Variants in RBM19 observed in about 807,000 individuals in gnomAD.
RBM19 encodes the protein probable RNA-binding protein 19.
Under a neutral mutation model 116.8 loss-of-function variants are expected in RBM19, and 94 were observed. That is an observed-to-expected ratio of 0.80 (90% confidence interval 0.68 to 0.95). The LOEUF (loss-of-function observed/expected upper bound fraction) is 0.95. Ranked by LOEUF, RBM19 falls within the 40% of genes least tolerant of loss-of-function variation. The probability of loss-of-function intolerance (pLI) is 0.00; values close to 1 mark genes in which losing one functional copy is unlikely to be tolerated. For missense variants in RBM19, 1,161 were observed against 1,220.7 expected, an observed-to-expected ratio of 0.95 and a Z score of 0.73; for synonymous variants, 475 against 494.1, an observed-to-expected ratio of 0.96 and a Z score of 0.51.
At position 113,879,446 on chromosome 12, in the gene RBM19, T is replaced by TATATATATATAC. The variant is rs893952657; in HGVS notation, c.2559-20551_2559-20550insGTATATATATAT. 5.4e-4 allele frequency among the ~76,000 whole-genome samples: 77 copies of TATATATATATAC among 142,320 alleles called. 9 individuals carry two copies. Among genetic ancestry groups the TATATATATATAC allele is most frequent in the East Asian group, 5.1e-3 (17 of 3,318 alleles). 93.4% of individuals were successfully genotyped at this position (142,320 alleles called of 152,430 possible). On this transcript the variant is annotated intron_variant, in intron 21 of 23. Transcript: ENST00000261741. Reference sequence around the variant, plus strand: ...TACATACATTTTATATATATATATATATATGGACTTTTCTTTTTTTAAGGG... The same window carrying TATATATATATAC: ...TACATACATTTTATATATATATATATATATATATATACATATGGACTTTTCTTTTTTTAAGGG...
chr12:113,931,340 C>T (rs537449098), intron 16 of RBM19, among the ~76,000 whole-genome samples: 16 of 152,132 alleles, frequency 1.1e-4, no homozygotes, highest in South Asian at 2.1e-4. Context: ...AGGGCAACAA[C>T]CTGGAGGGCC....
intron 23 of RBM19, among the ~76,000 whole-genome samples, chr12:113,824,691 T>C (rs945083641): frequency 1.7e-4 from 26 of 152,164 alleles, no homozygotes; most frequent in African/African-American, 5.8e-4. Flanking sequence ...GGCCCAGAGA[T>C]GAAGACTTGG....
At chr12:113,949,087 C>T in intron 9 of RBM19, 51 bp from the exon 10 acceptor site, 3 of 1,507,912 alleles carry the variant, frequency 2.0e-6, no homozygotes, top group African/African-American at 1.4e-5. Context: ...AACTTGCCAG[C>T]AACTCCTTGC....
chr12:113,957,950 C>T lies in RBM19; in HGVS notation c.672G>A (p.Ser224=), dbSNP rs372013053. 2.2e-5 allele frequency: 36 copies of T among 1,614,012 alleles called. No homozygotes were observed. The highest frequency in any genetic ancestry group is 5.0e-5 in the Admixed American group (3 of 60,000). Residue 224 remains serine, a synonymous_variant, in exon 6 of 24, where the codon TCG becomes TCA. Coordinates refer to ENST00000261741, the MANE Select transcript of RBM19 (RefSeq NM_016196.4). ...KMVKAGSSSS[S]EEEESEDEAV... The stretch of plus-strand genomic sequence containing the variant: ...CTTCATCTTCACTTTCCTCTTCCTC[C>T]GAGGAAGAGGACGACCCAGCCTTCA...
rs138978572 is a variant in RBM19, at chr12:113,858,871, G to A, written c.2584C>T (p.Arg862Cys). 57 of 1,614,034 alleles carry A rather than the reference G, an allele frequency of 3.5e-5. No homozygotes were observed. The highest frequency in any genetic ancestry group is 1.1e-4 in the East Asian group (5 of 44,872). The stretch of plus-strand genomic sequence containing the variant: ...GTCCCAGTCATCTTCTTTGGCAGGC[G>A]GACCGTCTTCAACTCCCCAAAGGTG... The part of the protein sequence containing the change: ...FSTFGELKTV[R>C]LPKKMTGTGT... Residue 862 changes from arginine to cysteine, a missense_variant, in exon 22 of 24, where the codon CGC becomes TGC. Arg to Cys is a radical substitution (Grantham distance 180). Coordinates refer to ENST00000261741, the MANE Select transcript of RBM19 (RefSeq NM_016196.4).
chr12:113,867,353 G>GCAAT (rs767832710), intron 21 of RBM19, among the ~76,000 whole-genome samples: 5 of 152,330 alleles, frequency 3.3e-5, no homozygotes, highest in Non-Finnish European at 5.9e-5. Context: ...TATGGATCCT[G>GCAAT]CAATCATCAC....
chr12:113,843,228 C>G (rs1051032093), intron 23 of RBM19, among the ~76,000 whole-genome samples: 1 of 152,176 alleles, frequency 6.6e-6, no homozygotes, highest in African/African-American at 2.4e-5. Flanking sequence ...ACTCCTGGCT[C>G]CAGGTTCCAT....
intron 21 of RBM19, among the ~76,000 whole-genome samples, chr12:113,876,311 A>G (rs1401710510): frequency 1.3e-5 from 2 of 152,146 alleles, no homozygotes; most frequent in Non-Finnish European, 2.9e-5. Flanking sequence ...GGGGGTCATG[A>G]GTGTGAACCT....
Position 113,942,421 on chromosome 12 carries a change from C to T in RBM19, c.1640G>A (p.Ser547Asn). 1 of 1,606,898 alleles carries T rather than the reference C, an allele frequency of 6.2e-7. No homozygotes were observed. Among genetic ancestry groups the T allele is most frequent in the Non-Finnish European group, 8.5e-7 (1 of 1,179,504 alleles). ...SQVFDHETKGSVAVRVALGET... is the reference protein window; with the variant it reads ...SQVFDHETKGNVAVRVALGET... Reference sequence around the variant, plus strand: ...CCCCAGAGCCACGCGCACGGCCACGCTGCCCTTGGTCTCCTGTGGAAGAGG... The same window carrying T: ...CCCCAGAGCCACGCGCACGGCCACGTTGCCCTTGGTCTCCTGTGGAAGAGG... Residue 547 changes from serine (S) to asparagine (N), a missense_variant, in exon 14 of 24, where the codon AGC (serine) becomes AAC (asparagine). By Grantham distance (46) the Ser-to-Asn change is conservative. Transcript: ENST00000261741.
chr12:113,827,683 G>A (rs1029804032), intron 23 of RBM19, among the ~76,000 whole-genome samples: 5 of 152,050 alleles, frequency 3.3e-5, no homozygotes, highest in Non-Finnish European at 5.9e-5. Flanking sequence ...TGAACAGTCC[G>A]GGGAGGGGAA....
rs771836312 is a variant in RBM19 at position 113,966,276 on chromosome 12, TCCA to T, written c.-52_-50del. 4 of 1,609,424 alleles carry T rather than the reference TCCA, an allele frequency of 2.5e-6. No homozygotes were observed. Among genetic ancestry groups the T allele is most frequent in the Non-Finnish European group, 3.4e-6 (4 of 1,178,588 alleles). On this transcript the variant is annotated 5_prime_UTR_variant, in exon 1 of 24. Coordinates refer to ENST00000261741, the MANE Select transcript of RBM19 (RefSeq NM_016196.4). ...ATTCCAACACGACTGGTCAGCGTCTTCCACCAAGTTTCACGCTACCGCCCTGGG... is the reference window on the plus strand; with the variant it reads ...ATTCCAACACGACTGGTCAGCGTCTTCCAAGTTTCACGCTACCGCCCTGGG...
intron 19 of RBM19, among the ~76,000 whole-genome samples, chr12:113,918,988 C>T (rs1882948829): frequency 6.6e-6 from 1 of 152,184 alleles, no homozygotes; most frequent in South Asian, 2.1e-4. Context: ...TATGCATGCA[C>T]ACAATGATGT....
downstream of RBM19, chr12:113,818,295 G>A (rs903822132): frequency 6.6e-6 from 1 of 152,064 alleles, no homozygotes; most frequent in Non-Finnish European, 1.5e-5. Flanking sequence ...GCTCCTGTGG[G>A]GGTGCTCACC....
At chr12:113,828,214 G>A (rs1875048250) in intron 23 of RBM19, among the ~76,000 whole-genome samples, 1 of 151,916 alleles carries the variant, frequency 6.6e-6, no homozygotes, top group South Asian at 2.1e-4. Flanking sequence ...ACAGAAATCA[G>A]TGACTAATGT....
intron 21 of RBM19, among the ~76,000 whole-genome samples, chr12:113,889,051 A>T (rs1361048615): frequency 6.6e-6 from 1 of 152,164 alleles, no homozygotes; most frequent in Admixed American, 6.5e-5. Flanking sequence ...CTCTCCCCGC[A>T]TGCCAACAGA....
intron 22 of RBM19, among the ~76,000 whole-genome samples, chr12:113,855,847 G>A (rs969294802): frequency 4.6e-5 from 7 of 152,204 alleles, no homozygotes; most frequent in African/African-American, 1.7e-4. Context: ...AATATGCAGT[G>A]TGGACGATTC....
chr12:113,927,607 A>AC (rs1555242328), intron 16 of RBM19, among the ~76,000 whole-genome samples: 7 of 103,150 alleles, frequency 6.8e-5, no homozygotes, highest in Admixed American at 5.7e-4. Flanking sequence ...AAAAAAAACA[A>AC]AAAAAAAAAA....
At chr12:113,850,039 C>G (rs1877332751) in intron 22 of RBM19, among the ~76,000 whole-genome samples, 1 of 152,228 alleles carries the variant, frequency 6.6e-6, no homozygotes, top group African/African-American at 2.4e-5. Context: ...CAGCTCCAGC[C>G]CTGGCTTTCC....
chr12:113,913,131 G>T (rs1332399358), intron 21 of RBM19, among the ~76,000 whole-genome samples: 3 of 152,102 alleles, frequency 2.0e-5, no homozygotes, highest in Non-Finnish European at 4.4e-5. Flanking sequence ...GTGGTCTTTT[G>T]TTTCCCCGGA....
Sources: allele counts gnomAD v4.1 joint callset (sites outside exome capture counted in the v4.1 genomes callset), GRCh38; gene constraint gnomAD v4.1.1; transcripts MANE v1.5; gene names NCBI Gene and HGNC (gene_info 2026-07-23, HGNC 2026-07-21).